UTRN: variants seen among roughly 807,000 people sequenced by gnomAD.
The protein encoded by UTRN is utrophin, also known as dystrophin-related protein 1.
A neutral mutation model predicts 463.9 loss-of-function variants in UTRN; 283 were observed. That is an observed-to-expected ratio of 0.61 (90% CI 0.55 to 0.67). UTRN has a LOEUF of 0.67. Ranked by LOEUF, UTRN falls within the 30% of genes least tolerant of loss-of-function variation. The pLI is 0.00. For missense variants in UTRN, 3,922 were observed against 4,084.3 expected (o/e 0.96, Z 1.08); for synonymous variants, 1,442 against 1,431.5 (o/e 1.01, Z -0.17).
At chr6:144,658,433 G>C (rs953220954) in intron 51 of UTRN, among the ~76,000 whole-genome samples, 3 of 152,062 alleles carry the variant, frequency 2.0e-5, no homozygotes, top group Non-Finnish European at 2.9e-5. Flanking sequence ...TAGTTTTTCT[G>C]GTTTTAAATG....
chr6:144,558,819 G>T (rs917367827), intron 50 of UTRN, among the ~76,000 whole-genome samples: 1 of 151,938 alleles, frequency 6.6e-6, no homozygotes, highest in Admixed American at 6.6e-5. Context: ...GAGCCCTGAG[G>T]CACCCCAATA....
At chr6:144,429,327 A>T (rs1785582203) in intron 8 of UTRN, among the ~76,000 whole-genome samples, 1 of 152,182 alleles carries the variant, frequency 6.6e-6, no homozygotes, top group African/African-American at 2.4e-5. Flanking sequence ...ATGGTAACAT[A>T]TGGTAGCTTA....
At chr6:144,400,804 A>C (rs1782876816) in intron 2 of UTRN, among the ~76,000 whole-genome samples, 1 of 152,234 alleles carries the variant, frequency 6.6e-6, no homozygotes. Context: ...TCTGTTACTT[A>C]GACTTATATT....
At chr6:144,302,714 A>G (rs1362184365) in intron 2 of UTRN, among the ~76,000 whole-genome samples, 1 of 152,210 alleles carries the variant, frequency 6.6e-6, no homozygotes, top group African/African-American at 2.4e-5. Context: ...CAAACCAGGG[A>G]CACATGGAGG....
At chr6:144,649,493 A>G (rs1478648846) in intron 51 of UTRN, among the ~76,000 whole-genome samples, 1 of 152,248 alleles carries the variant, frequency 6.6e-6, no homozygotes, top group Non-Finnish European at 1.5e-5. Flanking sequence ...TTATTGAACA[A>G]CACAAAGATG....
chr6:144,621,161 C>A (rs1775327704), intron 51 of UTRN, among the ~76,000 whole-genome samples: 2 of 152,096 alleles, frequency 1.3e-5, no homozygotes, highest in Non-Finnish European at 2.9e-5. Context: ...TGAGCTATTA[C>A]AGGTAAAGTG....
rs529427113 is a variant in UTRN, at chr6:144,608,589, G to A, written c.7479+31301G>A. On this transcript the variant is annotated intron_variant, in intron 51 of 74. Transcript: ENST00000367545. Reference sequence around the variant, plus strand: ...CACCCCTCCCCCAAGCTGGGACAGTGGCACACACAGAGAATTTCCCTAGAC... The same window carrying A: ...CACCCCTCCCCCAAGCTGGGACAGTAGCACACACAGAGAATTTCCCTAGAC... Among the ~76,000 whole-genome samples the A allele has an allele frequency of 2.6e-5, 4 of 152,272 alleles. No individual in the cohort carries two copies. The East Asian group carries it at 7.7e-4, about 29-fold the overall frequency.
chr6:144,363,275 C>T (rs1232280623), intron 2 of UTRN, among the ~76,000 whole-genome samples: 2 of 152,126 alleles, frequency 1.3e-5, no homozygotes, highest in African/African-American at 4.8e-5. Context: ...TTAATTTTCT[C>T]ACTTCGAGAA....
At chr6:144,584,388 AT>A (rs1271513599) in intron 51 of UTRN, among the ~76,000 whole-genome samples, 2 of 152,096 alleles carry the variant, frequency 1.3e-5, no homozygotes, top group African/African-American at 4.8e-5. Flanking sequence ...TATAATAGCA[AT>A]TTTTACACTA....
intron 58 of UTRN, among the ~76,000 whole-genome samples, chr6:144,762,305 G>A (rs1792792437): frequency 6.6e-6 from 1 of 152,210 alleles, no homozygotes; most frequent in Admixed American, 6.5e-5. Context: ...TGAGTCAGAG[G>A]ACGGAAGTTT....
intron 51 of UTRN, among the ~76,000 whole-genome samples, chr6:144,608,474 A>G (rs1805114836): frequency 6.6e-6 from 1 of 152,216 alleles, no homozygotes; most frequent in Non-Finnish European, 1.5e-5. Flanking sequence ...TACCATTGTG[A>G]ATAACCCAGA....
At chr6:144,602,298 ATTTT>A (rs1207383418) in intron 51 of UTRN, among the ~76,000 whole-genome samples, 1 of 144,146 alleles carries the variant, frequency 6.9e-6, no homozygotes, top group Non-Finnish European at 1.5e-5. Flanking sequence ...GTCCCGGCTG[ATTTT>A]TTTTTTTTGT....
At chr6:144,695,382 T>C (rs1783888836) in intron 52 of UTRN, among the ~76,000 whole-genome samples, 1 of 151,974 alleles carries the variant, frequency 6.6e-6, no homozygotes, top group East Asian at 1.9e-4. Flanking sequence ...CTCACTGTGT[T>C]GCCAGGGCTG....
chr6:144,433,310 G>A (rs1458883645), intron 9 of UTRN, among the ~76,000 whole-genome samples: 4 of 149,012 alleles, frequency 2.7e-5, no homozygotes, highest in African/African-American at 7.5e-5. Flanking sequence ...TGGCCGGGTG[G>A]GGGGCTGAAC....
intron 50 of UTRN, among the ~76,000 whole-genome samples, chr6:144,567,164 G>C (rs146454353): frequency 4.5e-4 from 69 of 152,182 alleles, no homozygotes; most frequent in African/African-American, 1.5e-3. Context: ...AAGTTTGCAG[G>C]AGAAATAATG....
intron 65 of UTRN, among the ~76,000 whole-genome samples, chr6:144,816,328 T>C (rs1369984458): frequency 6.6e-6 from 1 of 152,148 alleles, no homozygotes; most frequent in East Asian, 1.9e-4. Flanking sequence ...GATAAAACTA[T>C]TTTTGAAACA....
intron 17 of UTRN, among the ~76,000 whole-genome samples, chr6:144,448,989 T>C (rs1021886032): frequency 2.6e-5 from 4 of 152,214 alleles, no homozygotes; most frequent in Non-Finnish European, 5.9e-5. Flanking sequence ...ATTTTATTTA[T>C]CCTGTGTTCA....
At chr6:144,384,648 A>G (rs1028417892) in intron 2 of UTRN, among the ~76,000 whole-genome samples, 1 of 152,150 alleles carries the variant, frequency 6.6e-6, no homozygotes, top group African/African-American at 2.4e-5. Context: ...ATGTAAGTGG[A>G]ATCATACCAT....
At chr6:144,784,209 A>G (rs928021743) in intron 61 of UTRN, among the ~76,000 whole-genome samples, 1 of 152,218 alleles carries the variant, frequency 6.6e-6, no homozygotes, top group African/African-American at 2.4e-5. Flanking sequence ...GAAGAGGTTC[A>G]GTTGCCTTAT....
Sources: allele counts gnomAD v4.1 joint callset (sites outside exome capture counted in the v4.1 genomes callset), GRCh38; gene constraint gnomAD v4.1.1; transcripts MANE v1.5; gene names NCBI Gene and HGNC (gene_info 2026-07-23, HGNC 2026-07-21).